Variants in AGBL1 observed in about 807,000 individuals in gnomAD.
AGBL1 encodes cytosolic carboxypeptidase 4.
Under a neutral mutation model 118.9 loss-of-function variants are expected in AGBL1, and 130 were observed. The ratio of observed to expected loss-of-function variants is 1.09; its 90% CI spans 0.95 to 1.26. The LOEUF is 1.26. Among genes scored for constraint, AGBL1 ranks in the 50% most tolerant of loss-of-function variants. AGBL1 has a pLI of 0.00. For synonymous variants in AGBL1, 555 were observed against 478.9 expected (o/e 1.16, Z -2.08); for missense variants, 1,584 against 1,298.1 (o/e 1.22, Z -3.38).
Position 86,527,252 on chromosome 15 carries a change from C to T in AGBL1, c.2685+4313C>T, listed in dbSNP as rs150341560. 2.0e-3 allele frequency among the ~76,000 whole-genome samples: 308 copies of T among 152,262 alleles called. 2 individuals are homozygous for T. The highest frequency in any genetic ancestry group is 6.8e-3 in the Middle Eastern group (2 of 294). ...TCCCTATATAATACACATTTAAACA[C>T]GCACACATTCAATCCACAACAAAAC... On this transcript the variant is annotated intron_variant, in intron 19 of 22. Coordinates refer to ENST00000614907, the MANE Select transcript of AGBL1 (RefSeq NM_001386094.1).
chr15:86,790,824 A>G (rs1051640019), intron 22 of AGBL1, among the ~76,000 whole-genome samples: 1 of 152,170 alleles, frequency 6.6e-6, no homozygotes, highest in African/African-American at 2.4e-5. Flanking sequence ...ATGTGGTAGC[A>G]GCTCCTGGAA....
At chr15:86,422,235 A>C (rs1172127491) in intron 18 of AGBL1, among the ~76,000 whole-genome samples, 1 of 152,250 alleles carries the variant, frequency 6.6e-6, no homozygotes, top group East Asian at 1.9e-4. Context: ...AATGGAAATC[A>C]TAACAAACAG....
rs4284604 is a variant in AGBL1 at position 86,516,904 on chromosome 15, T to A, written c.2556-5906T>A. ...GCAGCTAATCTGGCTCATCACTTAA[T>A]CTGGTCTGAGCTGATTTCAGCTGAA... is the stretch of plus-strand genomic sequence containing the variant. On this transcript the variant is annotated intron_variant, in intron 18 of 22. Coordinates refer to ENST00000614907, the MANE Select transcript of AGBL1 (RefSeq NM_001386094.1). Among the ~76,000 whole-genome samples the A allele has an allele frequency of 1.8e-3, 271 of 152,282 alleles. 9 individuals carry two copies. In the South Asian group the frequency reaches 0.054, roughly 30 times the overall value.
At chr15:86,509,835 C>T (rs1567031971) in intron 18 of AGBL1, among the ~76,000 whole-genome samples, 1 of 151,894 alleles carries the variant, frequency 6.6e-6, no homozygotes, top group East Asian at 1.9e-4. Flanking sequence ...TAATTTTCTG[C>T]TTTAAAAACA....
At chr15:86,181,737 A>G (rs2077555660) in intron 5 of AGBL1, among the ~76,000 whole-genome samples, 2 of 152,092 alleles carry the variant, frequency 1.3e-5, no homozygotes, top group African/African-American at 2.4e-5. Flanking sequence ...AGGAATATGC[A>G]TAGTAAAATC....
intron 21 of AGBL1, among the ~76,000 whole-genome samples, chr15:86,671,691 C>A (rs1291273319): frequency 6.6e-6 from 1 of 152,136 alleles, no homozygotes; most frequent in Admixed American, 6.6e-5. Context: ...CAACATTTGA[C>A]AATGGGAGAA....
intron 22 of AGBL1, among the ~76,000 whole-genome samples, chr15:86,830,838 A>G (rs536816821): frequency 1.3e-5 from 2 of 152,196 alleles, no homozygotes; most frequent in Non-Finnish European, 2.9e-5. Context: ...TACTTATAAA[A>G]TGCTTGCATG....
chr15:86,518,925 T>A (rs2083153933), intron 18 of AGBL1, among the ~76,000 whole-genome samples: 1 of 151,180 alleles, frequency 6.6e-6, no homozygotes, highest in African/African-American at 2.4e-5. Context: ...GCATCCTAGA[T>A]CTGGCATATT....
chr15:86,906,554 G>C (rs945588878), intron 22 of AGBL1, among the ~76,000 whole-genome samples: 2 of 152,176 alleles, frequency 1.3e-5, no homozygotes, highest in South Asian at 4.1e-4. Flanking sequence ...ATGACTCATA[G>C]TGCTGTTTAT....
chr15:86,849,996 T>A (rs2079382482), intron 22 of AGBL1, among the ~76,000 whole-genome samples: 1 of 152,238 alleles, frequency 6.6e-6, no homozygotes, highest in Non-Finnish European at 1.5e-5. Flanking sequence ...TGTTCAGTCA[T>A]TTTGGCCTAG....
Position 86,679,789 on chromosome 15 carries a change from T to A in AGBL1, c.3158+5353T>A, listed in dbSNP as rs2085919985. 2.0e-5 allele frequency among the ~76,000 whole-genome samples: 3 copies of A among 152,316 alleles called. No homozygotes were observed. The South Asian group carries it at 6.2e-4, about 32-fold the overall frequency. On this transcript the variant is annotated intron_variant, in intron 22 of 22. Transcript: ENST00000614907. ...GATGATTAATTTTATCAAAAGATTCTTTAGTATCTAGAAAAATAACTATTT... is the reference window on the plus strand; with the variant it reads ...GATGATTAATTTTATCAAAAGATTCATTAGTATCTAGAAAAATAACTATTT...
intron 21 of AGBL1, among the ~76,000 whole-genome samples, chr15:86,668,739 A>G (rs1030515522): frequency 1.3e-5 from 2 of 152,180 alleles, no homozygotes; most frequent in African/African-American, 4.8e-5. Context: ...AGGTTTGAGG[A>G]TTGATTTGGG....
At chr15:86,480,240 A>T (rs1308642764) in intron 18 of AGBL1, among the ~76,000 whole-genome samples, 2 of 152,164 alleles carry the variant, frequency 1.3e-5, no homozygotes, top group African/African-American at 4.8e-5. Context: ...AAAAAGAGTA[A>T]CTATGTGAAG....
chr15:87,020,941 A>C (rs760786215), intron 24 of AGBL1, among the ~76,000 whole-genome samples: 3 of 152,188 alleles, frequency 2.0e-5, no homozygotes, highest in Non-Finnish European at 4.4e-5. Context: ...TATAGATTCA[A>C]TGCTATTCCC....
intron 18 of AGBL1, among the ~76,000 whole-genome samples, chr15:86,421,895 A>G (rs2081796085): frequency 6.6e-6 from 1 of 152,214 alleles, no homozygotes; most frequent in Non-Finnish European, 1.5e-5. Context: ...CAACAAGAAG[A>G]GCTAACTGTC....
At chr15:86,737,781 A>C (rs2077622786) in intron 22 of AGBL1, among the ~76,000 whole-genome samples, 1 of 152,228 alleles carries the variant, frequency 6.6e-6, no homozygotes, top group Non-Finnish European at 1.5e-5. Context: ...TCACTTTATT[A>C]TTAATGAAAA....
intron 24 of AGBL1, among the ~76,000 whole-genome samples, chr15:87,025,848 A>G (rs2081721517): frequency 6.6e-6 from 1 of 152,074 alleles, no homozygotes; most frequent in Non-Finnish European, 1.5e-5. Context: ...CCCAGAAATG[A>G]ACCCAAATAC....
intron 18 of AGBL1, among the ~76,000 whole-genome samples, chr15:86,510,545 G>A (rs1472102747): frequency 1.3e-5 from 2 of 152,024 alleles, no homozygotes; most frequent in Non-Finnish European, 2.9e-5. Context: ...TTGCAGTAGG[G>A]ATAGAAGACT....
At chr15:86,085,166 AT>A (rs1479469757) in intron 1 of AGBL1, among the ~76,000 whole-genome samples, 1 of 152,162 alleles carries the variant, frequency 6.6e-6, no homozygotes, top group African/African-American at 2.4e-5. Flanking sequence ...TCAAAAGAAA[AT>A]TTTATGGAAG....
Sources: gnomAD v4.1 joint callset for allele counts (sites outside exome capture counted in the v4.1 genomes callset) on GRCh38, gnomAD v4.1.1 for gene constraint, MANE v1.5 for transcripts, NCBI Gene and HGNC (gene_info 2026-07-23, HGNC 2026-07-21) for gene names.